The following RNF170 variants were observed in gnomAD, a reference collection of about 807,000 sequenced individuals.
RNF170 encodes E3 ubiquitin-protein ligase RNF170.
In RNF170, 12 loss-of-function variants were observed where a neutral mutation model predicts 32.7. The observed-to-expected ratio is 0.37, with a 90% CI of 0.24 to 0.60. The LOEUF (loss-of-function observed/expected upper bound fraction) is 0.60. RNF170 is among the 20% of genes least tolerant of loss of function. RNF170 has a pLI of 0.72. For synonymous variants in RNF170, 91 were observed against 103.6 expected (o/e 0.88, Z 0.74); for missense variants, 212 against 311.2 (o/e 0.68, Z 2.40).
intron 2 of RNF170, among the ~76,000 whole-genome samples, chr8:42,878,771 G>A (rs905461005): frequency 1.3e-5 from 2 of 152,180 alleles, no homozygotes; most frequent in African/African-American, 4.8e-5. Flanking sequence ...ATGGCATATA[G>A]GACTTTCATA....
At chr8:42,874,402 G>C (rs1046231716) in intron 2 of RNF170, among the ~76,000 whole-genome samples, 1 of 152,118 alleles carries the variant, frequency 6.6e-6, no homozygotes, top group African/African-American at 2.4e-5. Context: ...TAATTTTCAG[G>C]TATTAGGGGA....
In RNF170 at chr8:42,887,878, T is replaced by G. The variant is rs1805956174; in HGVS notation, c.-7-7A>C. 1.9e-6 allele frequency: 3 copies of G among 1,611,846 alleles called. No homozygotes were observed. Among genetic ancestry groups the G allele is most frequent in the African/African-American group, 2.7e-5 (2 of 74,840 alleles). ...ATATTTGGCCATTCCAGGTCTAAAA[T>G]AAGAAGAAACAAGATGAGAGTTACA... On this transcript the variant is annotated splice_polypyrimidine_tract_variant and splice_region_variant and intron_variant, in intron 1 of 6. Transcript: ENST00000527424.
intron 3 of RNF170, among the ~76,000 whole-genome samples, chr8:42,871,897 A>G (rs1201220933): frequency 6.6e-5 from 10 of 152,212 alleles, no homozygotes; most frequent in Admixed American, 6.5e-4. Context: ...ACAAAAAACA[A>G]TTAACGGTGC....
At chr8:42,865,519 C>A in intron 4 of RNF170, 30 bp from the exon 5 acceptor site, 1 of 1,489,722 alleles carries the variant, frequency 6.7e-7, no homozygotes, top group Non-Finnish European at 9.4e-7. Context: ...AAACACATAA[C>A]CCATTAATAT....
chr8:42,862,329 G>A (rs1374187652), intron 5 of RNF170, among the ~76,000 whole-genome samples: 3 of 152,060 alleles, frequency 2.0e-5, no homozygotes, highest in African/African-American at 7.2e-5. Context: ...TGTTATTGCA[G>A]GGACCAGCTC....
intron 1 of RNF170, 58 bp downstream of exon 1, chr8:42,896,426 C>A: frequency 4.4e-6 from 2 of 451,958 alleles, no homozygotes; most frequent in South Asian, 3.1e-5. Context: ...CAGACCCCGC[C>A]GTCCGCGGCT....
chr8:42,897,244 AC>A (rs1281408576), upstream of RNF170: 1 of 1,156,896 alleles, frequency 8.6e-7, no homozygotes, highest in Non-Finnish European at 1.1e-6. Context: ...ACCTACCGGG[AC>A]CCTCCACGCG....
chr8:42,889,597 A>C (rs1806125705), intron 1 of RNF170, among the ~76,000 whole-genome samples: 1 of 152,184 alleles, frequency 6.6e-6, no homozygotes, highest in South Asian at 2.1e-4. Context: ...CAAGAAAATT[A>C]CCACTCATGG....
At chr8:42,860,112 G>A (rs1586484164) in intron 6 of RNF170, among the ~76,000 whole-genome samples, 1 of 152,198 alleles carries the variant, frequency 6.6e-6, no homozygotes, top group East Asian at 1.9e-4. Flanking sequence ...AATACTCCAC[G>A]TGTTAAGTTA....
intron 1 of RNF170, among the ~76,000 whole-genome samples, chr8:42,892,848 G>T (rs781570037): frequency 2.0e-5 from 3 of 152,030 alleles, no homozygotes; most frequent in Admixed American, 1.3e-4. Context: ...TTAGCCAGAC[G>T]TGGTGGCACA....
intron 1 of RNF170, among the ~76,000 whole-genome samples, chr8:42,895,072 T>C (rs1003347709): frequency 6.6e-6 from 1 of 151,982 alleles, no homozygotes; most frequent in Non-Finnish European, 1.5e-5. Flanking sequence ...CCAGCACTTT[T>C]GGGAGGCTAA....
intron 2 of RNF170, among the ~76,000 whole-genome samples, chr8:42,883,860 T>TA (rs1275254396): frequency 6.6e-6 from 1 of 152,182 alleles, no homozygotes; most frequent in Non-Finnish European, 1.5e-5. Flanking sequence ...GTCTGAATTT[T>TA]AAACTACAAA....
Position 42,854,181 on chromosome 8 carries a change from A to G in RNF170, c.*1978T>C. The G allele has an allele frequency of 7.8e-7, 1 of 1,287,238 alleles. No individual in the cohort carries two copies. The highest frequency in any genetic ancestry group is 1.0e-6 in the Non-Finnish European group (1 of 988,700). 79.7% of individuals were successfully genotyped at this position (1,287,238 alleles called of 1,614,324 possible). On this transcript the variant is annotated 3_prime_UTR_variant, in exon 7 of 7. Transcript: ENST00000527424. ...GAATTCGGATTCATGTCATCTCCACAGACCTTTCCTCTTAGGAGTGCCTAA... is the reference window on the plus strand; with the variant it reads ...GAATTCGGATTCATGTCATCTCCACGGACCTTTCCTCTTAGGAGTGCCTAA...
chr8:42,864,048 T>A (rs1239230188), intron 5 of RNF170, among the ~76,000 whole-genome samples: 2 of 149,932 alleles, frequency 1.3e-5, no homozygotes, highest in Non-Finnish European at 3.0e-5. Context: ...AGGAATACTT[T>A]TTTTTTTTTT....
In RNF170 at chr8:42,853,349, C is replaced by T. The variant is rs536154644; in HGVS notation, c.*2810G>A. 2 of 1,241,168 alleles carry T rather than the reference C, an allele frequency of 1.6e-6. No homozygotes were observed. The highest frequency in any genetic ancestry group is 2.7e-5 in the South Asian group (2 of 73,944). 76.9% of individuals were successfully genotyped at this position (1,241,168 alleles called of 1,614,324 possible). ...TCAAAAGAATAAAATGCTTGACAAACTCTTTAATCACAAGGTTTGAACCAA... is the reference window on the plus strand; with the variant it reads ...TCAAAAGAATAAAATGCTTGACAAATTCTTTAATCACAAGGTTTGAACCAA... On this transcript the variant is annotated 3_prime_UTR_variant, in exon 7 of 7. Coordinates refer to ENST00000527424, the MANE Select transcript of RNF170 (RefSeq NM_030954.4).
At chr8:42,873,807 TA>T in intron 3 of RNF170, 123 bp downstream of exon 3, 1 of 679,038 alleles carries the variant, frequency 1.5e-6, no homozygotes, top group Non-Finnish European at 2.7e-6. Context: ...TAAAATAATA[TA>T]AGGTAATTTG....
chr8:42,860,024 A>G (rs1330253182), intron 6 of RNF170, among the ~76,000 whole-genome samples: 1 of 152,186 alleles, frequency 6.6e-6, no homozygotes, highest in Admixed American at 6.5e-5. Context: ...TTACTTATAG[A>G]CCAGATGAGA....
At chr8:42,857,314 G>A (rs529450444) in intron 6 of RNF170, among the ~76,000 whole-genome samples, 20 of 152,338 alleles carry the variant, frequency 1.3e-4, no homozygotes, top group Non-Finnish European at 2.4e-4. Flanking sequence ...AATGCTCACC[G>A]AAGTACAAGA....
At chr8:42,897,032 GGCC>G (rs1806993381), upstream of RNF170, 2 of 889,244 alleles carry the variant, frequency 2.2e-6, no homozygotes, top group East Asian at 6.6e-5. Flanking sequence ...GGAGCAGGCG[GGCC>G]TGAGGCCGAG....
Sources: allele counts gnomAD v4.1 joint callset (sites outside exome capture counted in the v4.1 genomes callset), GRCh38; gene constraint gnomAD v4.1.1; transcripts MANE v1.5; gene names NCBI Gene and HGNC (gene_info 2026-07-23, HGNC 2026-07-21).